The following MFAP3 variants were observed in gnomAD, a reference collection of about 807,000 sequenced individuals.
The protein encoded by MFAP3 is microfibril associated protein 3.
A neutral mutation model predicts 20.5 loss-of-function variants in MFAP3; 8 were observed. The observed-to-expected ratio is 0.39, with a 90% CI of 0.23 to 0.70. The LOEUF is 0.70. Ranked by LOEUF, MFAP3 falls within the 30% of genes least tolerant of loss-of-function variation. The probability of loss-of-function intolerance (pLI) is 0.44; values close to 1 mark genes in which losing one functional copy is unlikely to be tolerated. For synonymous variants in MFAP3, 140 were observed against 154.0 expected, an observed-to-expected ratio of 0.91 and a Z score of 0.67; for missense variants, 398 against 444.6, an observed-to-expected ratio of 0.90 and a Z score of 0.94.
At chr5:154,039,488 A>G (rs1438561080) in intron 1 of MFAP3, among the ~76,000 whole-genome samples, 1 of 152,196 alleles carries the variant, frequency 6.6e-6, no homozygotes, top group Non-Finnish European at 1.5e-5. Context: ...GGCTAGAGCA[A>G]AAGGAGCAAG....
chr5:154,047,541 A>G (rs923644259), intron 1 of MFAP3, among the ~76,000 whole-genome samples: 2 of 117,776 alleles, frequency 1.7e-5, no homozygotes, highest in Non-Finnish European at 3.6e-5. Context: ...CTACAGAGAG[A>G]GCAAGCCTCC....
chr5:154,049,244 A>G (rs1338404652), intron 1 of MFAP3, among the ~76,000 whole-genome samples: 1 of 152,194 alleles, frequency 6.6e-6, no homozygotes, highest in Non-Finnish European at 1.5e-5. Flanking sequence ...CAGAATTGGA[A>G]GAGTCCTTAG....
At chr5:154,050,188 T>A (rs57942707) in intron 2 of MFAP3, among the ~76,000 whole-genome samples, 171 bp downstream of exon 2, 3,766 of 152,240 alleles carry the variant, frequency 0.025, 103 homozygotes, top group African/African-American at 0.063. Flanking sequence ...TAATTATAAT[T>A]GTTTAACCAG....
intron 2 of MFAP3, chr5:154,051,630 A>G (rs1773193772): frequency 6.6e-6 from 1 of 152,210 alleles, no homozygotes; most frequent in Non-Finnish European, 1.5e-5. Context: ...TCATAGCTCT[A>G]AGTTCATAGA....
chr5:154,042,957 C>T (rs1366597559), intron 1 of MFAP3, among the ~76,000 whole-genome samples: 1 of 152,178 alleles, frequency 6.6e-6, no homozygotes, highest in East Asian at 1.9e-4. Context: ...GGAAATCAGC[C>T]ATATTACTTC....
At chr5:154,049,426 C>G (rs1773130506) in intron 1 of MFAP3, 131 bp from the exon 2 acceptor site, 1 of 289,192 alleles carries the variant, frequency 3.5e-6, no homozygotes, top group Non-Finnish European at 6.5e-6. Flanking sequence ...TTTTTAGGTA[C>G]TGTTCCATCT....
chr5:154,053,206 GA>G lies in MFAP3; in HGVS notation c.585del (p.Lys195AsnfsTer52). 6.2e-7 allele frequency: 1 copy of G among 1,613,958 alleles called. No homozygotes were observed. Among genetic ancestry groups the G allele is most frequent in the South Asian group, 1.1e-5 (1 of 91,082 alleles). On this transcript the variant is annotated frameshift_variant, in exon 3 of 3. Coordinates refer to ENST00000522782, the MANE Select transcript of MFAP3 (RefSeq NM_005927.5). LOFTEE classifies it high-confidence loss of function. ...NEFFRTEGAEKLQKAFEIAKR... is the reference protein window; with the variant it reads ...NEFFRTEGAEXLQKAFEIAKR... ...AGTTCTTTAGAACTGAAGGGGCTGA[GA>G]AACTTCAGAAGGCCTTTGAGATTGC...
At chr5:154,039,151 G>C (rs1236837808) in intron 1 of MFAP3, 140 bp downstream of exon 1, 1 of 152,288 alleles carries the variant, frequency 6.6e-6, no homozygotes, top group Non-Finnish European at 1.5e-5. Context: ...CTGGGTGTGG[G>C]AGTTCGGTCA....
At chr5:154,051,752 G>GGAT (rs1773196170) in intron 2 of MFAP3, 1 of 152,142 alleles carries the variant, frequency 6.6e-6, no homozygotes, top group Non-Finnish European at 1.5e-5. Context: ...AGATAAGTTT[G>GGAT]GATGATGATG....
Position 154,053,425 on chromosome 5 carries a change from G to A in MFAP3, c.801G>A (p.Leu267=). Residue 267 remains leucine (L), a synonymous_variant, in exon 3 of 3, where the codon CTG becomes CTA. Transcript: ENST00000522782. The part of the protein sequence containing the change: ...EAVRVDDPDD[L]GERIKERPAL... ...TGCGAGTGGACGACCCTGATGACCT[G>A]GGTGAAAGAATTAAAGAGAGACCTG... 6.2e-7 allele frequency: 1 copy of A among 1,613,958 alleles called. No individual in the cohort carries two copies. The highest frequency in any genetic ancestry group is 8.5e-7 in the Non-Finnish European group (1 of 1,179,948).
rs778596780 is a variant in MFAP3 at position 154,054,776 on chromosome 5, A to G, written c.*1063A>G. The G allele has an allele frequency of 6.0e-6, 1 of 167,054 alleles. No homozygotes were observed. The highest frequency in any genetic ancestry group is 6.5e-5 in the Admixed American group (1 of 15,280). 10.3% of individuals were successfully genotyped at this position (167,054 alleles called of 1,614,324 possible). On this transcript the variant is annotated 3_prime_UTR_variant, in exon 3 of 3. Coordinates refer to ENST00000522782, the MANE Select transcript of MFAP3 (RefSeq NM_005927.5). ...TCTTAGGTATGGTGCTATAGGTTGC[A>G]TGCGTCTTTATCTTGTTTGTTTGGT...
At position 154,053,624 on chromosome 5, in the gene MFAP3, A is replaced by C. The variant is rs767059465; in HGVS notation, c.1000A>C (p.Ser334Arg). 6.2e-7 allele frequency: 1 copy of C among 1,614,020 alleles called. No homozygotes were observed. The highest frequency in any genetic ancestry group is 8.5e-7 in the Non-Finnish European group (1 of 1,179,914). The change falls in exon 3 of 3, where the codon AGC becomes CGC. Residue 334 changes from serine (S) to arginine (R), a missense_variant. By Grantham distance (110) the Ser-to-Arg change is moderately radical (BLOSUM62 -1). Transcript: ENST00000522782. ...TKSIDTESQG[S>R]SHFSPPDDIG... is the part of the protein sequence containing the mutation. ...AAGTATTGATACAGAGTCTCAAGGC[A>C]GCAGTCATTTCAGTCCACCTGATGA... is the stretch of plus-strand genomic sequence containing the variant.
chr5:154,052,631 T>C (rs1457355656), intron 2 of MFAP3, among the ~76,000 whole-genome samples: 1 of 152,218 alleles, frequency 6.6e-6, no homozygotes, highest in Non-Finnish European at 1.5e-5. Flanking sequence ...TTTATAGACA[T>C]ACCTGTTTCA....
At chr5:154,043,378 C>T (rs1773003298) in intron 1 of MFAP3, among the ~76,000 whole-genome samples, 3 of 152,034 alleles carry the variant, frequency 2.0e-5, no homozygotes, top group South Asian at 2.1e-4. Context: ...GGAGAAACCC[C>T]GTCTCTACTA....
intron 1 of MFAP3, among the ~76,000 whole-genome samples, chr5:154,048,565 C>T (rs1773113572): frequency 6.6e-6 from 1 of 152,050 alleles, no homozygotes; most frequent in South Asian, 2.1e-4. Context: ...CATTTCATCC[C>T]ATATTTTATA....
In MFAP3 at chr5:154,045,286, T is replaced by A. The variant is rs1223068912; in HGVS notation, c.-166-4271T>A. Among the ~76,000 whole-genome samples, 4 of 152,250 alleles carry A rather than the reference T, an allele frequency of 2.6e-5. No individual in the cohort carries two copies. The East Asian group carries it at 7.7e-4, about 29-fold the overall frequency. ...TCAAAGAGGGGAGCCGTTGGGTAAG[T>A]AGATCACGACAAATCTTCTCTACCA... On this transcript the variant is annotated intron_variant, in intron 1 of 2. Coordinates refer to ENST00000522782, the MANE Select transcript of MFAP3 (RefSeq NM_005927.5).
intron 1 of MFAP3, among the ~76,000 whole-genome samples, chr5:154,041,081 C>T (rs946149133): frequency 6.6e-6 from 1 of 151,354 alleles, no homozygotes; most frequent in African/African-American, 2.4e-5. Context: ...AAGAGGAAAA[C>T]TGATAAGTCT....
intron 1 of MFAP3, among the ~76,000 whole-genome samples, chr5:154,044,393 A>G (rs1773029503): frequency 1.3e-5 from 2 of 152,216 alleles, no homozygotes; most frequent in East Asian, 1.9e-4. Flanking sequence ...ACCTTCTTGG[A>G]CACGTATCTT....
chr5:154,044,007 T>C (rs916563050), intron 1 of MFAP3, among the ~76,000 whole-genome samples: 2 of 152,252 alleles, frequency 1.3e-5, no homozygotes, highest in African/African-American at 4.8e-5. Context: ...CACATTTGTC[T>C]TTTCTCTGTT....
Sources: allele counts gnomAD v4.1 joint callset (sites outside exome capture counted in the v4.1 genomes callset), GRCh38; gene constraint gnomAD v4.1.1; transcripts MANE v1.5; gene names NCBI Gene and HGNC (gene_info 2026-07-23, HGNC 2026-07-21).